The following TUBA3C variants were observed in gnomAD, a reference collection of about 807,000 sequenced individuals.
TUBA3C encodes the protein tubulin alpha-3C chain.
In TUBA3C, 23 loss-of-function variants were observed where a neutral mutation model predicts 33.4. That is an observed-to-expected ratio of 0.69 (90% CI 0.50 to 0.98). The LOEUF is 0.98. TUBA3C is among the 50% of genes least tolerant of loss of function. TUBA3C has a pLI of 0.00. For synonymous variants in TUBA3C, 269 were observed against 250.4 expected (o/e 1.07, Z -0.70); for missense variants, 402 against 616.0 (o/e 0.65, Z 3.68).
At position 19,173,813 on chromosome 13, in the gene TUBA3C, C is replaced by G. The variant is rs1280208649; in HGVS notation, c.*50G>C. 1.3e-6 allele frequency: 2 copies of G among 1,572,526 alleles called. No individual in the cohort carries two copies. On this transcript the variant is annotated 3_prime_UTR_variant, in exon 5 of 5. Coordinates refer to ENST00000400113, the MANE Select transcript of TUBA3C (RefSeq NM_006001.3). ...CCTTTAATTGCAAAGAACTTGAAAG[C>G]AGCCACGCTGGGGGTGGCAGTGGAG...
rs55746544 is a variant in TUBA3C, at chr13:19,176,725, C to CAAAA, written c.1056+198_1056+201dup. On this transcript the variant is annotated intron_variant, in intron 4 of 4. Transcript: ENST00000400113. ...TGGGCGACAAAGCTAGACTCTGCCT[C>CAAAA]AAAAAAAAAAAAAAAAAAAAAAAAA... Among the ~76,000 whole-genome samples the CAAAA allele has an allele frequency of 1.6e-3, 56 of 34,594 alleles. 7 individuals are homozygous for CAAAA. Among genetic ancestry groups the CAAAA allele is most frequent in the African/African-American group, 4.1e-3 (53 of 12,916 alleles). The allele number at this position is 34,594 out of a possible 152,430, so 22.7% of individuals were successfully genotyped here.
Position 19,178,260 on chromosome 13 carries a change from G to T in TUBA3C, c.361C>A (p.Arg121=), listed in dbSNP as rs201122043. The T allele has an allele frequency of 6.2e-7, 1 of 1,614,140 alleles. No individual in the cohort carries two copies. The highest frequency in any genetic ancestry group is 8.5e-7 in the Non-Finnish European group (1 of 1,180,020). The change falls in exon 3 of 5, where the codon CGG becomes AGG. Residue 121 remains arginine (R), a synonymous_variant. Coordinates refer to ENST00000400113, the MANE Select transcript of TUBA3C (RefSeq NM_006001.3). The part of the protein sequence containing the change: ...GKEIVDLVLD[R]IRKLADLCTG... ...TCTCTTCTTACCAGTTTGCGGATCC[G>T]GTCCAGGACCAGGTCGACGATCTCC...
In TUBA3C at chr13:19,174,135, TG is replaced by T. The variant is rs750889205; in HGVS notation, c.1080del (p.Thr361ArgfsTer18). 2.5e-6 allele frequency: 4 copies of T among 1,612,824 alleles called. No individual in the cohort carries two copies. Among genetic ancestry groups the T allele is most frequent in the Admixed American group, 1.7e-5 (1 of 59,980 alleles). On this transcript the variant is annotated frameshift_variant, in exon 5 of 5. Transcript: ENST00000400113. LOFTEE classifies it high-confidence loss of function. The part of the protein sequence containing the change: ...GFKVGINYQP[P>X]TVVPGGDLAK... ...GCCAGGTCTCCCCCAGGGACCACCGTGGGGGGCTGGTAGTTAATGCCCACCT... is the reference window on the plus strand; with the variant it reads ...GCCAGGTCTCCCCCAGGGACCACCGTGGGGGCTGGTAGTTAATGCCCACCT...
At chr13:19,180,746 T>G (rs551131765) in intron 1 of TUBA3C, among the ~76,000 whole-genome samples, 1 of 151,594 alleles carries the variant, frequency 6.6e-6, no homozygotes. Context: ...ATGCCCGCCT[T>G]GGCCTCCCAA....
In TUBA3C at chr13:19,179,372, T is replaced by C; in HGVS notation, c.195A>G (p.Ala65=). 1 of 1,613,966 alleles carries C rather than the reference T, an allele frequency of 6.2e-7. No individual in the cohort carries two copies. The highest frequency in any genetic ancestry group is 8.5e-7 in the Non-Finnish European group (1 of 1,179,868). ...ETGAGKHVPR[A]VFVDLEPTVV... ...CAGTGGGCTCCAGGTCCACAAACAC[T>C]GCTCTGGGCACGTGCTTGCCAGCTC... is the stretch of plus-strand genomic sequence containing the variant. The change falls in exon 2 of 5, where the codon GCA becomes GCG. Residue 65 remains alanine (A), a synonymous_variant. Coordinates refer to ENST00000400113, the MANE Select transcript of TUBA3C (RefSeq NM_006001.3).
chr13:19,177,608 C>G lies in TUBA3C; in HGVS notation c.376-1G>C, dbSNP rs995413322. 1.3e-6 allele frequency: 2 copies of G among 1,561,530 alleles called. No individual in the cohort carries two copies. Among genetic ancestry groups the G allele is most frequent in the African/African-American group, 2.7e-5 (2 of 73,268 alleles). On this transcript the variant is annotated splice_acceptor_variant, in intron 3 of 4. Coordinates refer to ENST00000400113, the MANE Select transcript of TUBA3C (RefSeq NM_006001.3). LOFTEE classifies it high-confidence loss of function. This position sits in a 1 kb window ranked among gnomAD's most constrained non-coding sequence, Gnocchi z 5.0. Reference sequence around the variant, plus strand: ...CCTGCAGTCCCGTGCACAGATCCGCCTGAGGGAAACCAGACAACATGAATC... The same window carrying G: ...CCTGCAGTCCCGTGCACAGATCCGCGTGAGGGAAACCAGACAACATGAATC...
At chr13:19,180,579 G>A (rs1456178106) in intron 1 of TUBA3C, among the ~76,000 whole-genome samples, 3 of 151,830 alleles carry the variant, frequency 2.0e-5, no homozygotes, top group African/African-American at 7.3e-5. Context: ...TCAGCTCACT[G>A]CAGCCTCTGC....
rs771011036 is a variant in TUBA3C at position 19,173,838 on chromosome 13, G to A, written c.*25C>T. ...CAGCCACGCTGGGGGTGGCAGTGGA[G>A]TGGAGAACCCACCACACCCTCCCCT... On this transcript the variant is annotated 3_prime_UTR_variant, in exon 5 of 5. Transcript: ENST00000400113. 1.3e-6 allele frequency: 2 copies of A among 1,598,726 alleles called. No homozygotes were observed. The highest frequency in any genetic ancestry group is 1.7e-6 in the Non-Finnish European group (2 of 1,171,488).
intron 4 of TUBA3C, 101 bp downstream of exon 4, chr13:19,176,826 G>C (rs941454146): frequency 7.1e-7 from 1 of 1,404,502 alleles, no homozygotes; most frequent in Non-Finnish European, 9.7e-7. Context: ...CCATGGAATA[G>C]GGGTAGTATC....
Position 19,178,282 on chromosome 13 carries a change from C to A in TUBA3C, c.339G>T (p.Glu113Asp). The change falls in exon 3 of 5, where the codon GAG (glutamate) becomes GAT (aspartate). Residue 113 changes from glutamate to aspartate, a missense_variant. Coordinates refer to ENST00000400113, the MANE Select transcript of TUBA3C (RefSeq NM_006001.3). The part of the protein sequence containing the change: ...YARGHYTIGK[E>D]IVDLVLDRIR... ...TCCGGTCCAGGACCAGGTCGACGATCTCCTTGCCGATGGTGTAATGGCCTC... is the reference window on the plus strand; with the variant it reads ...TCCGGTCCAGGACCAGGTCGACGATATCCTTGCCGATGGTGTAATGGCCTC... The A allele has an allele frequency of 6.2e-7, 1 of 1,614,232 alleles. No individual in the cohort carries two copies. The highest frequency in any genetic ancestry group is 1.1e-5 in the South Asian group (1 of 91,078).
rs1869252354 is a variant in TUBA3C, at chr13:19,177,789, A to G, written c.376-182T>C. ...AAGATCTACAGACAAATCACCATGCATACTTCAGACTAAGACCATTGCAGA... is the reference window on the plus strand; with the variant it reads ...AAGATCTACAGACAAATCACCATGCGTACTTCAGACTAAGACCATTGCAGA... On this transcript the variant is annotated intron_variant, in intron 3 of 4. Coordinates refer to ENST00000400113, the MANE Select transcript of TUBA3C (RefSeq NM_006001.3). The surrounding 1 kb of genome is among the most constrained non-coding windows in gnomAD (Gnocchi z 5.0). Among the ~76,000 whole-genome samples, 1 of 151,936 alleles carries G rather than the reference A, an allele frequency of 6.6e-6. No homozygotes were observed.
In TUBA3C at chr13:19,177,721, A is replaced by C; in HGVS notation, c.376-114T>G. The C allele has an allele frequency of 7.5e-7, 1 of 1,332,530 alleles. No homozygotes were observed. Among genetic ancestry groups the C allele is most frequent in the Non-Finnish European group, 1.0e-6 (1 of 986,140 alleles). 82.5% of individuals were successfully genotyped at this position (1,332,530 alleles called of 1,614,324 possible). ...GACTTGATATGGATTCCAATCATCC[A>C]TAATAAACACGCAGTACACTCTGAA... is the stretch of plus-strand genomic sequence containing the variant. On this transcript the variant is annotated intron_variant, in intron 3 of 4. Coordinates refer to ENST00000400113, the MANE Select transcript of TUBA3C (RefSeq NM_006001.3). This position sits in a 1 kb window ranked among gnomAD's most constrained non-coding sequence, Gnocchi z 5.0.
Position 19,181,749 on chromosome 13 carries a change from T to C in TUBA3C, c.-2A>G. ...GTGGGAGTGACCTGGCCTTACCATG[T>C]TGAGCTCCTCCGCTGCCGCAGCCCA... On this transcript the variant is annotated 5_prime_UTR_variant, in exon 1 of 5. Coordinates refer to ENST00000400113, the MANE Select transcript of TUBA3C (RefSeq NM_006001.3). 1 of 1,602,470 alleles carries C rather than the reference T, an allele frequency of 6.2e-7. No individual in the cohort carries two copies. The highest frequency in any genetic ancestry group is 8.5e-7 in the Non-Finnish European group (1 of 1,179,874).
intron 2 of TUBA3C, 128 bp from the exon 3 acceptor site, chr13:19,178,522 A>ATGTACTTTGAACAGCACGT: frequency 7.7e-7 from 1 of 1,305,982 alleles, no homozygotes; most frequent in Non-Finnish European, 1.0e-6. Context: ...GTTGTAGGTC[A>ATGTACTTTGAACAGCACGT]ACAGTGGCAG....
rs1211386430 is a variant in TUBA3C at position 19,178,228 on chromosome 13, G to GA, written c.375+17dup. ...CTCCTGTGCAGGACAATGGTCACAT[G>GA]AAGCCTTCTCTTCTTACCAGTTTGC... On this transcript the variant is annotated intron_variant, in intron 3 of 4. Transcript: ENST00000400113. The GA allele has an allele frequency of 6.2e-7, 1 of 1,613,888 alleles. No homozygotes were observed. Among genetic ancestry groups the GA allele is most frequent in the Admixed American group, 1.7e-5 (1 of 60,022 alleles).
chr13:19,181,604 G>T, intron 1 of TUBA3C, 141 bp downstream of exon 1: 6 of 1,231,546 alleles, frequency 4.9e-6, no homozygotes, highest in Non-Finnish European at 6.9e-6. Flanking sequence ...CTCGTGTCCC[G>T]CCCTGGGCCC....
At chr13:19,180,851 A>C (rs1039056232) in intron 1 of TUBA3C, among the ~76,000 whole-genome samples, 4 of 150,536 alleles carry the variant, frequency 2.7e-5, no homozygotes, top group Non-Finnish European at 5.9e-5. Context: ...CCAGCTACTC[A>C]GGAGGCTGAG....
rs1445605691 is a variant in TUBA3C, at chr13:19,179,327, AC to A, written c.226+13del. The stretch of plus-strand genomic sequence containing the variant: ...CCTCCTAAGAAAGCTGCCATCCAGG[AC>A]CCGAGCACCTACCGACCACAGTGGG... On this transcript the variant is annotated intron_variant, in intron 2 of 4. Transcript: ENST00000400113. The A allele has an allele frequency of 2.5e-6, 4 of 1,613,636 alleles. No homozygotes were observed. The East Asian group carries it at 8.9e-5, about 36-fold the overall frequency.
rs188429102 is a variant in TUBA3C, at chr13:19,180,887, G to T, written c.3+858C>A. On this transcript the variant is annotated intron_variant, in intron 1 of 4. Coordinates refer to ENST00000400113, the MANE Select transcript of TUBA3C (RefSeq NM_006001.3). ...GCAGGAGGATTGCTGGAGCCCAGGGGTTCAAGGCTGCAGGGAGCCGTGATC... is the reference window on the plus strand; with the variant it reads ...GCAGGAGGATTGCTGGAGCCCAGGGTTTCAAGGCTGCAGGGAGCCGTGATC... 6.1e-3 allele frequency among the ~76,000 whole-genome samples: 913 copies of T among 150,392 alleles called. 11 individuals carry two copies. The highest frequency in any genetic ancestry group is 0.022 in the African/African-American group (882 of 40,982).
Sources: allele counts gnomAD v4.1 joint callset (sites outside exome capture counted in the v4.1 genomes callset), GRCh38; gene constraint gnomAD v4.1.1; non-coding constraint Gnocchi (gnomAD v3.1); transcripts MANE v1.5; gene names NCBI Gene and HGNC (gene_info 2026-07-23, HGNC 2026-07-21).